Variants in TMCO5A observed in about 807,000 individuals in gnomAD.
TMCO5A encodes transmembrane and coiled-coil domain-containing protein 5A.
A neutral mutation model predicts 42.3 loss-of-function variants in TMCO5A; 34 were observed. The observed-to-expected ratio is 0.80, with a 90% CI of 0.61 to 1.07. The LOEUF (loss-of-function observed/expected upper bound fraction) is 1.07. TMCO5A is among the 50% of genes least tolerant of loss of function. The probability of loss-of-function intolerance (pLI) is 0.00; values close to 1 mark genes in which losing one functional copy is unlikely to be tolerated. For missense variants in TMCO5A, 357 were observed against 327.9 expected, an observed-to-expected ratio of 1.09 and a Z score of -0.69; for synonymous variants, 131 against 115.6, an observed-to-expected ratio of 1.13 and a Z score of -0.86.
intron 4 of TMCO5A, 119 bp from the exon 5 acceptor site, chr15:37,937,227 A>ATT: frequency 8.0e-7 from 1 of 1,251,882 alleles, no homozygotes; most frequent in Non-Finnish European, 1.1e-6. Context: ...ACATGACATT[A>ATT]TGCAAATAAG....
downstream of TMCO5A, among the ~76,000 whole-genome samples, chr15:37,952,658 G>A (rs116517794): frequency 9.7e-4 from 148 of 152,284 alleles, no homozygotes; most frequent in African/African-American, 3.5e-3. Context: ...TTGTGGCTAT[G>A]GGTCAAGATT....
chr15:37,940,106 T>C (rs1889678319), intron 6 of TMCO5A, among the ~76,000 whole-genome samples: 1 of 152,158 alleles, frequency 6.6e-6, no homozygotes. Flanking sequence ...CCAGTCTCCC[T>C]GCTTCTACTC....
intron 6 of TMCO5A, among the ~76,000 whole-genome samples, chr15:37,939,774 GCTTAATGGGGTGCCTAATTCAACC>G (rs970061576): frequency 3.9e-5 from 6 of 152,074 alleles, no homozygotes; most frequent in African/African-American, 1.4e-4. Context: ...CAGTGCAGCA[GCTTAATGGGGTGCCTAATTCAACC>G]CTTTGTGACT....
the TMCO5A span, among the ~76,000 whole-genome samples, chr15:38,035,782 T>C: frequency 2.6e-5 from 4 of 152,120 alleles, no homozygotes; most frequent in Non-Finnish European, 4.4e-5. Context: ...CCCCAAGGCA[T>C]GAAATGAAGA....
intron 11 of TMCO5A, among the ~76,000 whole-genome samples, chr15:37,948,227 A>G (rs1890033767): frequency 6.6e-6 from 1 of 152,134 alleles, no homozygotes; most frequent in African/African-American, 2.4e-5. Flanking sequence ...GTAGATATTC[A>G]TCCTGAGGGA....
At chr15:38,030,914 C>T in the TMCO5A span, among the ~76,000 whole-genome samples, 2 of 152,090 alleles carry the variant, frequency 1.3e-5, no homozygotes, top group Non-Finnish European at 2.9e-5. Context: ...CTGTACTTTA[C>T]CCTGTGATGG....
At chr15:38,031,886 C>A in the TMCO5A span, among the ~76,000 whole-genome samples, 5 of 152,114 alleles carry the variant, frequency 3.3e-5, no homozygotes, top group African/African-American at 1.2e-4. Flanking sequence ...AATTCCAGAA[C>A]TATGCCAGGC....
intron 6 of TMCO5A, among the ~76,000 whole-genome samples, chr15:37,939,529 T>A (rs896232176): frequency 2.6e-5 from 4 of 152,036 alleles, no homozygotes; most frequent in African/African-American, 9.7e-5. Flanking sequence ...CAGAATTGAG[T>A]GGTGACACTT....
the TMCO5A span, among the ~76,000 whole-genome samples, chr15:38,032,106 C>G: frequency 6.6e-6 from 1 of 152,130 alleles, no homozygotes; most frequent in African/African-American, 2.4e-5. Flanking sequence ...CAGGCATGCA[C>G]CACCACGCCT....
chr15:37,961,203 G>A (rs1377416970), intron 11 of TMCO5A, among the ~76,000 whole-genome samples: 1 of 152,006 alleles, frequency 6.6e-6, no homozygotes, highest in Non-Finnish European at 1.5e-5. Flanking sequence ...AATCCATCTC[G>A]AGTTGATTTT....
intron 11 of TMCO5A, among the ~76,000 whole-genome samples, chr15:37,959,799 T>A (rs1890376858): frequency 6.6e-6 from 1 of 151,976 alleles, no homozygotes. Flanking sequence ...ATGACTGTTA[T>A]TCAGTATAGT....
chr15:37,947,809 TACACAC>T (rs902684415), intron 11 of TMCO5A, 113 bp downstream of exon 11: 3 of 618,532 alleles, frequency 4.9e-6, no homozygotes, highest in Non-Finnish European at 8.5e-6. Flanking sequence ...TGTGCACACA[TACACAC>T]ACACACACAA....
intron 11 of TMCO5A, among the ~76,000 whole-genome samples, chr15:37,965,995 G>A (rs1890546906): frequency 6.6e-6 from 1 of 152,046 alleles, no homozygotes; most frequent in Admixed American, 6.6e-5. Context: ...CCAAAATTTG[G>A]AATCAACCTA....
chr15:37,936,080 G>A (rs1024698535), intron 2 of TMCO5A: 5 of 367,074 alleles, frequency 1.4e-5, no homozygotes, highest in Non-Finnish European at 2.4e-5. Flanking sequence ...TGCACTGTTA[G>A]ATTGAGCACT....
At chr15:38,029,727 G>C in the TMCO5A span, among the ~76,000 whole-genome samples, 4 of 152,166 alleles carry the variant, frequency 2.6e-5, no homozygotes, top group Admixed American at 6.5e-5. Context: ...TGGGATTACA[G>C]GTGTGCGCCA....
the TMCO5A span, among the ~76,000 whole-genome samples, chr15:38,011,438 C>A: frequency 2.0e-5 from 3 of 152,126 alleles, no homozygotes; most frequent in Non-Finnish European, 2.9e-5. Context: ...GAAGTCAACA[C>A]CTTTTTAAAC....
At chr15:37,995,957 A>C in the TMCO5A span, among the ~76,000 whole-genome samples, 1 of 152,066 alleles carries the variant, frequency 6.6e-6, no homozygotes, top group Non-Finnish European at 1.5e-5. Context: ...AAACAGTTCC[A>C]CTTCCCTCTC....
chr15:37,941,256 C>A (rs373244115), intron 7 of TMCO5A, 51 bp downstream of exon 7: 4 of 1,556,598 alleles, frequency 2.6e-6, no homozygotes, highest in Non-Finnish European at 3.5e-6. Flanking sequence ...GAAATGTGAT[C>A]TTTGGTCAGG....
intron 1 of TMCO5A, 28 bp downstream of exon 1, chr15:37,934,722 A>T (rs1889454112): frequency 6.6e-6 from 1 of 152,226 alleles, no homozygotes; most frequent in Admixed American, 6.5e-5. Flanking sequence ...AATAAAGGGG[A>T]AAAAAAGAAA....
Sources: allele counts gnomAD v4.1 joint callset (sites outside exome capture counted in the v4.1 genomes callset), GRCh38; gene constraint gnomAD v4.1.1; transcripts MANE v1.5; gene names NCBI Gene and HGNC (gene_info 2026-07-23, HGNC 2026-07-21).